The following CARNMT1 variants were observed in gnomAD, a reference collection of about 807,000 sequenced individuals.
The protein encoded by CARNMT1 is carnosine N-methyltransferase 1.
Under a neutral mutation model 49.6 loss-of-function variants are expected in CARNMT1, and 28 were observed. The observed-to-expected ratio is 0.56, with a 90% CI of 0.42 to 0.77. The LOEUF (loss-of-function observed/expected upper bound fraction) is 0.77, where lower values mean the gene tolerates loss of function less well. Ranked by LOEUF, CARNMT1 falls within the 30% of genes least tolerant of loss-of-function variation. The pLI, the probability that CARNMT1 is intolerant of heterozygous loss-of-function variation, is 0.00. For synonymous variants in CARNMT1, 178 were observed against 175.0 expected, an observed-to-expected ratio of 1.02 and a Z score of -0.13; for missense variants, 421 against 512.6, an observed-to-expected ratio of 0.82 and a Z score of 1.73.
chr9:74,984,834 C>G, intron 7 of CARNMT1, 73 bp downstream of exon 7: 1 of 925,118 alleles, frequency 1.1e-6, no homozygotes, highest in Non-Finnish European at 1.8e-6. Context: ...TAGTCACTAA[C>G]AGCCATGATA....
At chr9:74,987,490 A>G (rs1832879977) in intron 6 of CARNMT1, among the ~76,000 whole-genome samples, 1 of 152,236 alleles carries the variant, frequency 6.6e-6, no homozygotes, top group African/African-American at 2.4e-5. Flanking sequence ...CAAAATGATG[A>G]ATCTCAAAAG....
chr9:75,025,681 C>T (rs1822503942), intron 1 of CARNMT1, among the ~76,000 whole-genome samples: 1 of 152,022 alleles, frequency 6.6e-6, no homozygotes, highest in Non-Finnish European at 1.5e-5. Flanking sequence ...AACAATTTTC[C>T]AATATGTTTA....
At chr9:75,025,127 C>T (rs1822485882) in intron 1 of CARNMT1, among the ~76,000 whole-genome samples, 1 of 152,186 alleles carries the variant, frequency 6.6e-6, no homozygotes, top group African/African-American at 2.4e-5. Context: ...ATCTACAGTA[C>T]ATATCAAACA....
chr9:74,989,365 T>C (rs1490046003), intron 6 of CARNMT1, among the ~76,000 whole-genome samples: 1 of 152,190 alleles, frequency 6.6e-6, no homozygotes, highest in Admixed American at 6.5e-5. Flanking sequence ...TCTGCCTGGC[T>C]TGACCTCAGG....
intron 3 of CARNMT1, among the ~76,000 whole-genome samples, chr9:75,007,299 G>A (rs890791496): frequency 1.3e-5 from 2 of 151,952 alleles, no homozygotes; most frequent in African/African-American, 4.8e-5. Context: ...GGAATGCAAG[G>A]GTGGTTCAAC....
chr9:74,993,631 C>T (rs1356000978), intron 6 of CARNMT1, among the ~76,000 whole-genome samples: 1 of 152,106 alleles, frequency 6.6e-6, no homozygotes, highest in Admixed American at 6.6e-5. Context: ...CTGGGGATGA[C>T]TCTGCCAACA....
chr9:74,981,826 C>T lies in CARNMT1; in HGVS notation c.*1941G>A, dbSNP rs1161492609. ...AAAGCATGTCTAAGCCATTGAAAAA[C>T]AGCATGCATTCCTTTCTGTTCGATT... On this transcript the variant is annotated 3_prime_UTR_variant, in exon 8 of 8. Transcript: ENST00000376834. The T allele has an allele frequency of 6.6e-6, 1 of 151,906 alleles. No homozygotes were observed. The highest frequency in any genetic ancestry group is 2.4e-5 in the African/African-American group (1 of 41,390). The allele number at this position is 151,906 out of a possible 1,614,324, so 9.4% of individuals were successfully genotyped here.
At chr9:75,002,805 AT>A (rs1221253835) in intron 3 of CARNMT1, among the ~76,000 whole-genome samples, 1 of 152,108 alleles carries the variant, frequency 6.6e-6, no homozygotes, top group African/African-American at 2.4e-5. Context: ...CAATAGTGCC[AT>A]CTCAGGTCAC....
rs1832741786 is a variant in CARNMT1 at position 74,983,574 on chromosome 9, C to T, written c.*193G>A. 9.6e-6 allele frequency: 4 copies of T among 415,646 alleles called. No homozygotes were observed. In the East Asian group the frequency reaches 1.4e-4, roughly 15 times the overall value. The allele number at this position is 415,646 out of a possible 1,614,324, so 25.7% of individuals were successfully genotyped here. A position where few individuals can be genotyped will look rare whatever the true frequency, so the allele number is the denominator to read the frequency against. On this transcript the variant is annotated 3_prime_UTR_variant, in exon 8 of 8. Coordinates refer to ENST00000376834, the MANE Select transcript of CARNMT1 (RefSeq NM_152420.3). ...TTTTTACTTGTGTAGTACAAATCTG[C>T]ATGGCATAGTATATTTCTGAAAAAG...
chr9:75,016,235 T>C, intron 3 of CARNMT1, 33 bp downstream of exon 3: 2 of 1,530,118 alleles, frequency 1.3e-6, no homozygotes, highest in Non-Finnish European at 9.0e-7. Flanking sequence ...TCATACACTT[T>C]AAAAACTTGG....
intron 3 of CARNMT1, among the ~76,000 whole-genome samples, chr9:75,006,873 CTAATTATCTTA>C (rs1289806955): frequency 6.6e-6 from 1 of 152,222 alleles, no homozygotes. Flanking sequence ...TGCTAGTTCA[CTAATTATCTTA>C]TAATTATCTA....
At chr9:75,008,335 A>T (rs1176714959) in intron 3 of CARNMT1, among the ~76,000 whole-genome samples, 14 of 152,172 alleles carry the variant, frequency 9.2e-5, no homozygotes, top group Admixed American at 9.2e-4. Flanking sequence ...AAATCTTTAT[A>T]AATTTTTTTT....
chr9:74,984,834 C>T, intron 7 of CARNMT1, 73 bp downstream of exon 7: 2 of 925,118 alleles, frequency 2.2e-6, no homozygotes, highest in Non-Finnish European at 3.5e-6. Flanking sequence ...TAGTCACTAA[C>T]AGCCATGATA....
rs1401390589 is a variant in CARNMT1, at chr9:74,983,895, C to G, written c.1129-27G>C. The G allele has an allele frequency of 3.3e-6, 5 of 1,505,774 alleles. No individual in the cohort carries two copies. In the South Asian group the frequency reaches 6.2e-5, roughly 19 times the overall value. 93.3% of individuals were successfully genotyped at this position (1,505,774 alleles called of 1,614,324 possible). A position where few individuals can be genotyped will look rare whatever the true frequency, so the allele number is the denominator to read the frequency against. The stretch of plus-strand genomic sequence containing the variant: ...TGCAATGCAAACAATAATCATAATA[C>G]TATGACAGTCATCATGACCACACCA... On this transcript the variant is annotated intron_variant, in intron 7 of 7. Coordinates refer to ENST00000376834, the MANE Select transcript of CARNMT1 (RefSeq NM_152420.3).
intron 3 of CARNMT1, among the ~76,000 whole-genome samples, chr9:75,012,284 G>GTTTTTTTTT (rs869040579): frequency 2.2e-5 from 3 of 134,028 alleles, no homozygotes. Context: ...CAAGTTTTTG[G>GTTTTTTTTT]TTTTTTTTTT....
In CARNMT1 at chr9:74,982,993, AAATTT is replaced by A. The variant is rs1304850059; in HGVS notation, c.*769_*773del. On this transcript the variant is annotated 3_prime_UTR_variant, in exon 8 of 8. Transcript: ENST00000376834. ...TATTTTACCGGCCTGTGATGCTATT[AAATTT>A]AACATTTCATAAAAAAGAAATGTTT... The A allele has an allele frequency of 1.3e-5, 2 of 152,190 alleles. No homozygotes were observed. Among genetic ancestry groups the A allele is most frequent in the Non-Finnish European group, 2.9e-5 (2 of 68,026 alleles). The allele number at this position is 152,190 out of a possible 1,614,324, so 9.4% of individuals were successfully genotyped here.
intron 5 of CARNMT1, 81 bp downstream of exon 5, chr9:74,998,517 T>C (rs1833261859): frequency 8.4e-7 from 1 of 1,185,158 alleles, no homozygotes; most frequent in South Asian, 2.0e-5. Context: ...ATGAATGATC[T>C]AAACCTTGGC....
At chr9:75,005,104 TAAG>T (rs1030226658) in intron 3 of CARNMT1, among the ~76,000 whole-genome samples, 1 of 152,188 alleles carries the variant, frequency 6.6e-6, no homozygotes, top group African/African-American at 2.4e-5. Context: ...GACCATCAAT[TAAG>T]AAGAGTTATT....
chr9:75,009,446 T>A (rs368446371), intron 3 of CARNMT1, among the ~76,000 whole-genome samples: 1 of 152,090 alleles, frequency 6.6e-6, no homozygotes, highest in Middle Eastern at 3.2e-3. Context: ...ATACCAAGTA[T>A]TTCTTAATGT....
Sources: gnomAD v4.1 joint callset for allele counts (sites outside exome capture counted in the v4.1 genomes callset) on GRCh38, gnomAD v4.1.1 for gene constraint, MANE v1.5 for transcripts, NCBI Gene and HGNC (gene_info 2026-07-23, HGNC 2026-07-21) for gene names.